The following CYTH1 variants were observed in gnomAD, a reference collection of about 807,000 sequenced individuals.
CYTH1 encodes cytohesin 1.
A neutral mutation model predicts 61.8 loss-of-function variants in CYTH1; 18 were observed. The observed-to-expected ratio is 0.29, with a 90% CI of 0.20 to 0.43. CYTH1 has a LOEUF of 0.43. Ranked by LOEUF, CYTH1 falls within the 20% of genes least tolerant of loss-of-function variation. The pLI is 1.00. For missense variants in CYTH1, 336 were observed against 510.5 expected (o/e 0.66, Z 3.29); for synonymous variants, 174 against 184.3 (o/e 0.94, Z 0.45).
intron 1 of CYTH1, among the ~76,000 whole-genome samples, chr17:78,713,935 T>C (rs2093159071): frequency 6.6e-6 from 1 of 152,254 alleles, no homozygotes; most frequent in Non-Finnish European, 1.5e-5. Flanking sequence ...ATCTAGCTTC[T>C]GTATTATAAA....
At chr17:78,714,190 T>C (rs1031014460) in intron 1 of CYTH1, among the ~76,000 whole-genome samples, 4 of 152,054 alleles carry the variant, frequency 2.6e-5, no homozygotes, top group Non-Finnish European at 4.4e-5. Context: ...CTTGGGAGGC[T>C]GAGACAAGAG....
In CYTH1 at chr17:78,698,895, C is replaced by T. The variant is rs1567839841; in HGVS notation, c.624G>A (p.Lys208=). 1 of 1,611,928 alleles carries T rather than the reference C, an allele frequency of 6.2e-7. No homozygotes were observed. The highest frequency in any genetic ancestry group is 8.5e-7 in the Non-Finnish European group (1 of 1,179,328). The change falls in exon 8 of 14, where the codon AAG becomes AAA. Residue 208 remains lysine, a synonymous_variant. Transcript: ENST00000446868. ...TSLHNPNVKD[K]PTVERFIAMN... ...TGGCAATGAACCTCTCCACAGTGGGCTTATCTTTGACATTGGGGTTGTGCA... is the reference window on the plus strand; with the variant it reads ...TGGCAATGAACCTCTCCACAGTGGGTTTATCTTTGACATTGGGGTTGTGCA...
At chr17:78,722,885 G>T (rs981529243) in intron 1 of CYTH1, among the ~76,000 whole-genome samples, 1 of 152,158 alleles carries the variant, frequency 6.6e-6, no homozygotes, top group African/African-American at 2.4e-5. Context: ...GCCTAGAGGG[G>T]AGATCACCCT....
At chr17:78,773,400 C>T (rs1326569517) in intron 1 of CYTH1, among the ~76,000 whole-genome samples, 2 of 152,198 alleles carry the variant, frequency 1.3e-5, no homozygotes, top group African/African-American at 2.4e-5. Context: ...GAGGCCGAGG[C>T]GGACGGATCA....
At chr17:78,745,580 CAT>C (rs1029370778) in intron 1 of CYTH1, among the ~76,000 whole-genome samples, 27 of 152,296 alleles carry the variant, frequency 1.8e-4, no homozygotes, top group African/African-American at 5.5e-4. Context: ...AAAAGATTGA[CAT>C]AGAAATTGCA....
In CYTH1 at chr17:78,675,873, G is replaced by C; in HGVS notation, c.*218C>G. ...TGCCCTGTGAGAGAGGAAGGCTCTGGAGCCCATGCTGGACAGGTGGCCGGT... is the reference window on the plus strand; with the variant it reads ...TGCCCTGTGAGAGAGGAAGGCTCTGCAGCCCATGCTGGACAGGTGGCCGGT... On this transcript the variant is annotated 3_prime_UTR_variant, in exon 14 of 14. Transcript: ENST00000446868. The C allele has an allele frequency of 6.8e-7, 1 of 1,473,022 alleles. No homozygotes were observed. The allele number at this position is 1,473,022 out of a possible 1,614,324, so 91.2% of individuals were successfully genotyped here. A position where few individuals can be genotyped will look rare whatever the true frequency, so the allele number is the denominator to read the frequency against.
At chr17:78,732,174 C>A (rs1047878176) in intron 1 of CYTH1, among the ~76,000 whole-genome samples, 1 of 152,212 alleles carries the variant, frequency 6.6e-6, no homozygotes, top group East Asian at 1.9e-4. Context: ...AATGCCCAGA[C>A]CTGTGCCTAC....
intron 1 of CYTH1, among the ~76,000 whole-genome samples, chr17:78,718,362 C>A (rs1278271404): frequency 1.3e-5 from 2 of 152,066 alleles, no homozygotes; most frequent in Non-Finnish European, 2.9e-5. Context: ...ACAGAAACTA[C>A]CACCTGCTCA....
chr17:78,740,693 A>G (rs2093338733), intron 1 of CYTH1, among the ~76,000 whole-genome samples: 1 of 152,256 alleles, frequency 6.6e-6, no homozygotes, highest in Admixed American at 6.5e-5. Flanking sequence ...TCACTCACTC[A>G]TAAGTGACCA....
At position 78,702,622 on chromosome 17, in the gene CYTH1, C is replaced by G; in HGVS notation, c.171-18G>C. 6.2e-7 allele frequency: 1 copy of G among 1,613,860 alleles called. No homozygotes were observed. The highest frequency in any genetic ancestry group is 8.5e-7 in the Non-Finnish European group (1 of 1,179,770). On this transcript the variant is annotated intron_variant, in intron 3 of 13. Transcript: ENST00000446868. ...TGTTTTTCCTGTAAAACAACCATCA[C>G]AGCCATTTTAGTACTTCAGGCCATC...
In CYTH1 at chr17:78,735,578, G is replaced by A. The variant is rs150848300; in HGVS notation, c.23-25846C>T. On this transcript the variant is annotated intron_variant, in intron 1 of 13. Coordinates refer to ENST00000446868, the MANE Select transcript of CYTH1 (RefSeq NM_004762.6). ...CACCTGTGCATGCTTCCCTCCCAGC[G>A]TCCCCCACGCGTGCTGCAGCTTTCA... is the stretch of plus-strand genomic sequence containing the variant. 1.1e-3 allele frequency among the ~76,000 whole-genome samples: 165 copies of A among 152,152 alleles called. 1 individual carries two copies. The highest frequency in any genetic ancestry group is 3.7e-3 in the African/African-American group (152 of 41,476).
chr17:78,742,689 C>T (rs138561560), intron 1 of CYTH1, among the ~76,000 whole-genome samples: 77 of 152,126 alleles, frequency 5.1e-4, no homozygotes, highest in African/African-American at 1.8e-3. Context: ...CCTGTCTCTA[C>T]TAAAAATACA....
chr17:78,725,174 G>C lies in CYTH1; in HGVS notation c.23-15442C>G, dbSNP rs150332821. 1.7e-3 allele frequency among the ~76,000 whole-genome samples: 256 copies of C among 152,140 alleles called. No individual in the cohort carries two copies. In the Middle Eastern group the frequency reaches 0.02, roughly 12 times the overall value. ...CTCTTTGCTTCTTTCTTCTTGTTCA[G>C]AAGCTCATCCTCACCATCCGCCATC... On this transcript the variant is annotated intron_variant, in intron 1 of 13. Coordinates refer to ENST00000446868, the MANE Select transcript of CYTH1 (RefSeq NM_004762.6).
At chr17:78,756,209 G>A (rs932446632) in intron 1 of CYTH1, among the ~76,000 whole-genome samples, 1 of 151,400 alleles carries the variant, frequency 6.6e-6, no homozygotes, top group Admixed American at 6.6e-5. Context: ...TCTAGTAGCT[G>A]GGATTACAGG....
chr17:78,768,784 C>T (rs897027305), intron 1 of CYTH1, among the ~76,000 whole-genome samples: 2 of 152,118 alleles, frequency 1.3e-5, no homozygotes, highest in Non-Finnish European at 1.5e-5. Flanking sequence ...CAACAGAATG[C>T]TCTGCTTCTC....
chr17:78,742,342 G>A (rs967734768), intron 1 of CYTH1, among the ~76,000 whole-genome samples: 7 of 152,212 alleles, frequency 4.6e-5, no homozygotes, highest in African/African-American at 1.7e-4. Context: ...TGAGAGGACT[G>A]ACTGAGCCCA....
intron 1 of CYTH1, among the ~76,000 whole-genome samples, chr17:78,773,167 A>G (rs576849236): frequency 1.6e-3 from 243 of 152,188 alleles, no homozygotes; most frequent in African/African-American, 5.3e-3. Flanking sequence ...AACCCAGACC[A>G]ATACAATCTG....
chr17:78,754,869 CCTAA>C (rs1173462627), intron 1 of CYTH1, among the ~76,000 whole-genome samples: 9 of 152,014 alleles, frequency 5.9e-5, no homozygotes, highest in African/African-American at 1.4e-4. Context: ...ACATTCCATT[CCTAA>C]CTAACCTCTA....
intron 13 of CYTH1, 23 bp from the exon 14 acceptor site, chr17:78,676,192 A>C (rs2092696519): frequency 1.3e-6 from 2 of 1,593,912 alleles, no homozygotes; most frequent in South Asian, 2.3e-5. Context: ...AAAGGGAGAA[A>C]ACAGAGACGT....
Sources: allele counts gnomAD v4.1 joint callset (sites outside exome capture counted in the v4.1 genomes callset), GRCh38; gene constraint gnomAD v4.1.1; transcripts MANE v1.5; gene names NCBI Gene and HGNC (gene_info 2026-07-23, HGNC 2026-07-21).